C4orf50: variants seen among roughly 807,000 people sequenced by gnomAD.
C4orf50 encodes the protein chromosome 4 open reading frame 50.
In C4orf50, 80 loss-of-function variants were observed where a neutral mutation model predicts 77.2. The observed-to-expected ratio is 1.04, with a 90% CI of 0.87 to 1.25. The LOEUF (loss-of-function observed/expected upper bound fraction) is 1.25, where lower values mean the gene tolerates loss of function less well. Ranked by LOEUF, C4orf50 falls within the 50% of genes most tolerant of loss-of-function variation. The probability of loss-of-function intolerance (pLI) is 0.00; values close to 1 mark genes in which losing one functional copy is unlikely to be tolerated. For synonymous variants in C4orf50, 532 were observed against 465.3 expected, an observed-to-expected ratio of 1.14 and a Z score of -1.84; for missense variants, 1,257 against 1,152.9, an observed-to-expected ratio of 1.09 and a Z score of -1.31.
intron 7 of C4orf50, among the ~76,000 whole-genome samples, chr4:5,939,848 T>C (rs772830481): frequency 2.1e-4 from 32 of 152,208 alleles, no homozygotes; most frequent in Admixed American, 4.6e-4. Context: ...GCTCCTTTAG[T>C]CTTCACTGCT....
At chr4:5,950,895 GTGGA>G (rs1386584172) in intron 7 of C4orf50, among the ~76,000 whole-genome samples, 1 of 152,176 alleles carries the variant, frequency 6.6e-6, no homozygotes, top group Non-Finnish European at 1.5e-5. Flanking sequence ...GAATGGATGG[GTGGA>G]TGAATGAATG....
At position 5,908,076 on chromosome 4, in the gene C4orf50, C is replaced by T. The variant is rs978900801; in HGVS notation, c.*2475-9888G>A. On this transcript the variant is annotated intron_variant, in intron 7 of 7. Transcript: ENST00000324058. The surrounding 1 kb of genome is among the most constrained non-coding windows in gnomAD (Gnocchi z 5.6). Reference sequence around the variant, plus strand: ...TCATTCATTCATTTGCTTGTTTATTCATTCACTCATTTATTTGCTCATTTT... The same window carrying T: ...TCATTCATTCATTTGCTTGTTTATTTATTCACTCATTTATTTGCTCATTTT... Among the ~76,000 whole-genome samples the T allele has an allele frequency of 6.8e-6, 1 of 146,816 alleles. No individual in the cohort carries two copies. The highest frequency in any genetic ancestry group is 1.5e-5 in the Non-Finnish European group (1 of 65,506).
At chr4:5,991,796 G>C (rs903042830) in intron 27 of C4orf50, among the ~76,000 whole-genome samples, 71 of 152,186 alleles carry the variant, frequency 4.7e-4, no homozygotes, top group Non-Finnish European at 1.6e-4. Flanking sequence ...ACCAGCAGCA[G>C]AGCCCCCTCA....
chr4:5,990,788 G>T (rs1262790598), exon 28 of C4orf50: 10 of 399,060 alleles, frequency 2.5e-5, no homozygotes, highest in Non-Finnish European at 4.4e-5. Context: ...ACCAGGAGAA[G>T]AATCTGTTCA....
chr4:5,931,919 A>G (rs2108745290), intron 7 of C4orf50, among the ~76,000 whole-genome samples: 1 of 152,274 alleles, frequency 6.6e-6, no homozygotes, highest in East Asian at 1.9e-4. Context: ...GGGGAAGCCG[A>G]GGCTGGAAAG....
intron 33 of C4orf50, among the ~76,000 whole-genome samples, chr4:5,961,282 G>A (rs1216841501): frequency 2.6e-5 from 4 of 152,092 alleles, no homozygotes; most frequent in Non-Finnish European, 4.4e-5. Context: ...GCCTCTGCAC[G>A]CCAGCCTGGG....
At chr4:5,974,532 G>A (rs935212880) in intron 30 of C4orf50, among the ~76,000 whole-genome samples, 10 of 152,124 alleles carry the variant, frequency 6.6e-5, no homozygotes, top group African/African-American at 1.9e-4. Flanking sequence ...CTGATTTGAC[G>A]GCTGACGACA....
chr4:5,911,236 G>C lies in C4orf50; in HGVS notation c.*2475-13048C>G, dbSNP rs141465696. 3.0e-3 allele frequency among the ~76,000 whole-genome samples: 458 copies of C among 152,214 alleles called. 1 individual carries two copies. Among genetic ancestry groups the C allele is most frequent in the African/African-American group, 9.8e-3 (407 of 41,542 alleles). ...TTCCCTTTCTGTGCCTTTCGAACTTGTGGGGTTTTCTGGCCCTTCTCAAAA... is the reference window on the plus strand; with the variant it reads ...TTCCCTTTCTGTGCCTTTCGAACTTCTGGGGTTTTCTGGCCCTTCTCAAAA... On this transcript the variant is annotated intron_variant, in intron 7 of 7. Coordinates refer to the C4orf50 transcript ENST00000324058.
intron 7 of C4orf50, among the ~76,000 whole-genome samples, chr4:5,951,414 A>G (rs1560559333): frequency 6.6e-6 from 1 of 152,130 alleles, no homozygotes; most frequent in Non-Finnish European, 1.5e-5. Flanking sequence ...AGGTTATGTC[A>G]CTTTAGATCC....
intron 7 of C4orf50, among the ~76,000 whole-genome samples, chr4:5,943,838 C>T (rs1718370996): frequency 6.6e-6 from 1 of 152,218 alleles, no homozygotes; most frequent in African/African-American, 2.4e-5. Flanking sequence ...CATCGGACTT[C>T]ATCTTATTTC....
chr4:5,948,562 C>T (rs1423872386), intron 7 of C4orf50, among the ~76,000 whole-genome samples: 10 of 152,062 alleles, frequency 6.6e-5, no homozygotes, highest in East Asian at 1.9e-4. Context: ...TTTGGGAGGC[C>T]GAGGCAGGCG....
At chr4:5,963,450 T>C (rs1469628322) in intron 33 of C4orf50, among the ~76,000 whole-genome samples, 6 of 152,188 alleles carry the variant, frequency 3.9e-5, no homozygotes, top group African/African-American at 1.4e-4. Flanking sequence ...TTAAGGTCAA[T>C]AACAATAGCT....
At chr4:5,906,236 C>T (rs77294099) in intron 7 of C4orf50, among the ~76,000 whole-genome samples, 1 of 147,962 alleles carries the variant, frequency 6.8e-6, no homozygotes, top group Non-Finnish European at 1.5e-5. Flanking sequence ...AGTGGGGGGG[C>T]GGGGACTCCA....
chr4:5,959,468 G>T, exon 34 of C4orf50: 1 of 1,614,194 alleles, frequency 6.2e-7, no homozygotes, highest in Non-Finnish European at 8.5e-7. Flanking sequence ...TCCTTGCTGG[G>T]CTCAGGAGCT....
chr4:6,012,517 GA>G (rs1233498855), intron 23 of C4orf50, among the ~76,000 whole-genome samples: 5 of 152,112 alleles, frequency 3.3e-5, no homozygotes, highest in African/African-American at 1.2e-4. Context: ...TTGAAATTCA[GA>G]AAAACGTTTC....
At position 6,018,318 on chromosome 4, in the gene C4orf50, C is replaced by T. The variant is rs1052308145; in HGVS notation, c.114G>A (p.Trp38Ter). The change falls in exon 23 of 34, where the codon TGG becomes TGA. Residue 38 changes from tryptophan to a stop codon, truncating the protein, a stop_gained. Coordinates refer to ENST00000531445, the Ensembl canonical transcript of C4orf50. LOFTEE classifies it high-confidence loss of function. The surrounding 1 kb of genome is among the most constrained non-coding windows in gnomAD (Gnocchi z 5.1). ...CACTATCTTCCATGTCCTGGAATAT[C>T]CAGGATGTGTCAATCTTCACATCAA... 10 of 398,860 alleles carry T rather than the reference C, an allele frequency of 2.5e-5. No individual in the cohort carries two copies. Among genetic ancestry groups the T allele is most frequent in the African/African-American group, 4.1e-5 (2 of 48,604 alleles). The allele number at this position is 398,860 out of a possible 1,614,324, so 24.7% of individuals were successfully genotyped here.
downstream of C4orf50, among the ~76,000 whole-genome samples, chr4:5,954,303 G>T (rs896875576): frequency 6.6e-6 from 1 of 152,086 alleles, no homozygotes; most frequent in African/African-American, 2.4e-5. The surrounding 1 kb of genome is among the most constrained non-coding windows in gnomAD (Gnocchi z 4.7). Context: ...CAGGGACCCA[G>T]CCCCGGGGCT....
chr4:5,996,092 A>G (rs1287645975), intron 25 of C4orf50, among the ~76,000 whole-genome samples: 2 of 152,198 alleles, frequency 1.3e-5, no homozygotes, highest in East Asian at 1.9e-4. Flanking sequence ...ATGGGCTGTC[A>G]TTGCTGCCTG....
Position 5,911,188 on chromosome 4 carries a change from C to T in C4orf50, c.*2475-13000G>A, listed in dbSNP as rs192540747. Among the ~76,000 whole-genome samples the T allele has an allele frequency of 2.9e-3, 444 of 152,198 alleles. 2 individuals carry two copies. Among genetic ancestry groups the T allele is most frequent in the Non-Finnish European group, 5.0e-3 (342 of 68,014 alleles). On this transcript the variant is annotated intron_variant, in intron 7 of 7. Coordinates refer to the C4orf50 transcript ENST00000324058. The stretch of plus-strand genomic sequence containing the variant: ...CCTCCCAAAGTGCTGGGATTACAGG[C>T]GTAAGCCACCATGCCCGGCCTCTTC...
Sources: gnomAD v4.1 joint callset for allele counts (sites outside exome capture counted in the v4.1 genomes callset) on GRCh38, gnomAD v4.1.1 for gene constraint, Gnocchi (gnomAD v3.1) non-coding constraint, MANE v1.5 for transcripts, NCBI Gene and HGNC (gene_info 2026-07-23, HGNC 2026-07-21) for gene names.